The following PBLD variants were observed in gnomAD, a reference collection of about 807,000 sequenced individuals.
PBLD encodes the protein phenazine biosynthesis like protein domain containing, also known as phenazine biosynthesis-like domain-containing protein.
PBLD carries 26 observed loss-of-function variants against 31.3 expected under a neutral mutation model. The ratio of observed to expected loss-of-function variants is 0.83; its 90% confidence interval spans 0.61 to 1.15. The LOEUF is 1.15. Ranked by LOEUF, PBLD falls within the 50% of genes most tolerant of loss-of-function variation. The pLI is 0.00. For missense variants in PBLD, 307 were observed against 351.7 expected (o/e 0.87, Z 1.02); for synonymous variants, 114 against 129.0 (o/e 0.88, Z 0.79).
At chr10:68,287,039 G>A (rs1024110094) in intron 8 of PBLD, 1 of 149,580 alleles carries the variant, frequency 6.7e-6, no homozygotes, top group Non-Finnish European at 1.5e-5. Flanking sequence ...TGAGGCAGGA[G>A]AATCTCTTGA....
Position 68,296,902 on chromosome 10 carries a change from T to C in PBLD, c.168A>G (p.Thr56=). Reference sequence around the variant, plus strand: ...CATATTTACTTTGTGCAAAGTTGTCTGTCGGGTGCAGTTTTCGGATAAAAG... The same window carrying C: ...CATATTTACTTTGTGCAAAGTTGTCCGTCGGGTGCAGTTTTCGGATAAAAG... ...ETAFIRKLHP[T]DNFAQSSCFG... The change falls in exon 3 of 10, where the codon ACA becomes ACG. Residue 56 remains threonine (T), a synonymous_variant. Transcript: ENST00000358769. 6.2e-7 allele frequency: 1 copy of C among 1,613,384 alleles called. No individual in the cohort carries two copies. The highest frequency in any genetic ancestry group is 8.5e-7 in the Non-Finnish European group (1 of 1,179,352).
chr10:68,296,465 A>T (rs531360235), intron 3 of PBLD, 101 bp from the exon 4 acceptor site: 1 of 808,290 alleles, frequency 1.2e-6, no homozygotes, highest in African/African-American at 1.7e-5. Flanking sequence ...TAGCATGATG[A>T]GTAGCCAAAA....
intron 1 of PBLD, among the ~76,000 whole-genome samples, chr10:68,308,470 G>GCTGAAAATGCATTTAACACACCCAACC (rs1554859198): frequency 1.3e-5 from 2 of 151,410 alleles, no homozygotes; most frequent in African/African-American, 4.9e-5. Flanking sequence ...AATTTAGACA[G>GCTGAAAATGCATTTAACACACCCAACC]TATATGAGAG....
chr10:68,308,575 G>A (rs1210993014), intron 1 of PBLD, among the ~76,000 whole-genome samples: 1 of 141,566 alleles, frequency 7.1e-6, no homozygotes, highest in African/African-American at 2.6e-5. Context: ...TGGAGACAGA[G>A]TCTTACTCTG....
Position 68,298,973 on chromosome 10 carries a change from G to A in PBLD, c.85-1988C>T, listed in dbSNP as rs574774256. On this transcript the variant is annotated intron_variant, in intron 2 of 9. Transcript: ENST00000358769. ...TACAAAAAAATTAGCCGAGAGTGGT[G>A]GCACGCGCCTGTAATCCCAGCTACT... 1.7e-4 allele frequency among the ~76,000 whole-genome samples: 26 copies of A among 152,032 alleles called. No homozygotes were observed. In the South Asian group the frequency reaches 5.2e-3, roughly 30 times the overall value.
At chr10:68,329,636 G>A (rs1257866780) in intron 1 of PBLD, among the ~76,000 whole-genome samples, 1 of 151,510 alleles carries the variant, frequency 6.6e-6, no homozygotes, top group Non-Finnish European at 1.5e-5. Context: ...AGAGGGGTTG[G>A]GACTCACAGT....
intron 8 of PBLD, chr10:68,287,324 C>A (rs1461075778): frequency 6.6e-6 from 1 of 152,174 alleles, no homozygotes; most frequent in African/African-American, 2.4e-5. Flanking sequence ...AACAAACAAA[C>A]AAACTTGCAC....
At chr10:68,288,868 G>A (rs1225836331) in intron 7 of PBLD, 63 bp downstream of exon 7, 1 of 1,472,636 alleles carries the variant, frequency 6.8e-7, no homozygotes, top group East Asian at 2.3e-5. Flanking sequence ...GCCAGACTAA[G>A]GAAGAGCTAT....
chr10:68,325,310 TC>T (rs2044901432), intron 1 of PBLD, among the ~76,000 whole-genome samples: 1 of 151,412 alleles, frequency 6.6e-6, no homozygotes, highest in Admixed American at 6.6e-5. Flanking sequence ...ATGCCTGTAA[TC>T]CCAGCACTTT....
At chr10:68,329,072 T>C (rs2044971397) in intron 1 of PBLD, among the ~76,000 whole-genome samples, 1 of 152,006 alleles carries the variant, frequency 6.6e-6, no homozygotes, top group Non-Finnish European at 1.5e-5. Context: ...AGAGACAGAG[T>C]TTCCCTATGT....
At chr10:68,299,016 C>T (rs748881620) in intron 2 of PBLD, among the ~76,000 whole-genome samples, 31 of 141,090 alleles carry the variant, frequency 2.2e-4, no homozygotes, top group Non-Finnish European at 3.9e-4. Flanking sequence ...CTGAGGCAGG[C>T]GAGTTGCTTG....
chr10:68,285,020 G>A, intron 9 of PBLD: 2 of 1,172,544 alleles, frequency 1.7e-6, no homozygotes, highest in South Asian at 7.0e-5. Flanking sequence ...AGCAATAGCA[G>A]TAAGGAACCT....
intron 1 of PBLD, among the ~76,000 whole-genome samples, chr10:68,318,271 G>T (rs1432459171): frequency 6.6e-6 from 1 of 151,194 alleles, no homozygotes; most frequent in Non-Finnish European, 1.5e-5. Flanking sequence ...CAGACAAGGT[G>T]GCTAGTGCCC....
At chr10:68,332,107 A>G (rs961312219) in intron 1 of PBLD, 1 of 152,324 alleles carries the variant, frequency 6.6e-6, no homozygotes, top group Non-Finnish European at 1.5e-5. Flanking sequence ...TCACCGCTGG[A>G]GACGGTTGGG....
At chr10:68,307,648 C>T (rs896246518) in intron 1 of PBLD, among the ~76,000 whole-genome samples, 1 of 151,888 alleles carries the variant, frequency 6.6e-6, no homozygotes, top group East Asian at 1.9e-4. Flanking sequence ...TACAGGCGCC[C>T]GCCACTGCGC....
chr10:68,284,390 A>G, intron 9 of PBLD, 101 bp from the exon 10 acceptor site: 1 of 981,370 alleles, frequency 1.0e-6, no homozygotes, highest in East Asian at 2.7e-5. Flanking sequence ...CTCCCAGATC[A>G]GTTTCAAGAA....
chr10:68,311,541 G>A (rs1330322279), intron 1 of PBLD, among the ~76,000 whole-genome samples: 11 of 151,490 alleles, frequency 7.3e-5, no homozygotes, highest in South Asian at 6.3e-4. Flanking sequence ...AGCGGAGATC[G>A]CGCCACTGCA....
intron 4 of PBLD, chr10:68,295,975 T>C (rs2044421429): frequency 4.7e-6 from 1 of 214,396 alleles, no homozygotes; most frequent in African/African-American, 2.3e-5. Context: ...AATAATAAAA[T>C]AAAATAAAAT....
chr10:68,290,422 A>G (rs1051353762), intron 6 of PBLD, among the ~76,000 whole-genome samples: 1 of 152,116 alleles, frequency 6.6e-6, no homozygotes, highest in African/African-American at 2.4e-5. Context: ...TTGTACATTG[A>G]TTTAAAAGTT....
Sources: allele counts gnomAD v4.1 joint callset (sites outside exome capture counted in the v4.1 genomes callset), GRCh38; gene constraint gnomAD v4.1.1; transcripts MANE v1.5; gene names NCBI Gene and HGNC (gene_info 2026-07-23, HGNC 2026-07-21).